The following KIAA1958 variants were observed in gnomAD, a reference collection of about 807,000 sequenced individuals.
KIAA1958 encodes KIAA1958.
KIAA1958 carries 14 observed loss-of-function variants against 47.2 expected under a neutral mutation model. The ratio of observed to expected loss-of-function variants is 0.30; its 90% CI spans 0.20 to 0.46. The LOEUF (loss-of-function observed/expected upper bound fraction) is 0.46, where lower values mean the gene tolerates loss of function less well. Among genes scored for constraint, KIAA1958 ranks in the 20% least tolerant of loss-of-function variants. KIAA1958 has a pLI of 1.00. For missense variants in KIAA1958, 803 were observed against 909.2 expected (o/e 0.88, Z 1.50); for synonymous variants, 354 against 353.3 (o/e 1.00, Z -0.02).
At chr9:112,593,622 A>T (rs1388216213) in intron 2 of KIAA1958, among the ~76,000 whole-genome samples, 1 of 152,068 alleles carries the variant, frequency 6.6e-6, no homozygotes, top group East Asian at 1.9e-4. Context: ...TCTATCACCC[A>T]GGCTGGTCTT....
At chr9:112,654,113 GTCT>G (rs1470912248) in intron 3 of KIAA1958, among the ~76,000 whole-genome samples, 6 of 152,156 alleles carry the variant, frequency 3.9e-5, no homozygotes, top group Admixed American at 3.9e-4. Context: ...AATCGTAGCT[GTCT>G]TCTCATACTG....
rs1305994150 is a variant in KIAA1958, at chr9:112,618,454, G to A, written c.1172-27196G>A. 3 of 1,550,986 alleles carry A rather than the reference G, an allele frequency of 1.9e-6. No individual in the cohort carries two copies. Among genetic ancestry groups the A allele is most frequent in the African/African-American group, 1.4e-5 (1 of 73,038 alleles). On this transcript the variant is annotated intron_variant, in intron 2 of 3. Transcript: ENST00000337530. The surrounding 1 kb of genome is among the most constrained non-coding windows in gnomAD (Gnocchi z 7.1). ...CGGGTCTCGAGTACTTGGAGTGGAT[G>A]GGTCAGGACACTGGAGACTTGAATG...
chr9:112,657,208 C>A (rs1267990454), intron 3 of KIAA1958, among the ~76,000 whole-genome samples: 4 of 152,094 alleles, frequency 2.6e-5, no homozygotes, highest in Admixed American at 2.6e-4. Flanking sequence ...CTGCCTCAGC[C>A]TCCCAAGTAG....
chr9:112,646,110 A>G (rs563787692), intron 3 of KIAA1958, among the ~76,000 whole-genome samples: 1 of 151,604 alleles, frequency 6.6e-6, no homozygotes, highest in African/African-American at 2.4e-5. Context: ...TTGAGGAAAG[A>G]TAAGATTTTA....
chr9:112,620,579 T>G (rs190982190), intron 2 of KIAA1958, among the ~76,000 whole-genome samples: 26 of 152,304 alleles, frequency 1.7e-4, no homozygotes, highest in African/African-American at 6.3e-4. Flanking sequence ...ATGGACTTTG[T>G]GTCGTGGAGT....
chr9:112,637,658 G>A (rs1315660735), intron 2 of KIAA1958, among the ~76,000 whole-genome samples: 3 of 152,050 alleles, frequency 2.0e-5, no homozygotes, highest in Admixed American at 1.3e-4. Flanking sequence ...TTACAGGCAT[G>A]AGCCACTGCA....
rs190814031 is a variant in KIAA1958, at chr9:112,652,772, C to A, written c.1345-6491C>A. Among the ~76,000 whole-genome samples, 34 of 152,220 alleles carry A rather than the reference C, an allele frequency of 2.2e-4. No homozygotes were observed. The East Asian group carries it at 6.0e-3, about 27-fold the overall frequency. ...GAGTAGCTGGGACTACAGATGTACA[C>A]CACCATGCCTGGCTAATTTTTGTAA... On this transcript the variant is annotated intron_variant, in intron 3 of 3. Coordinates refer to ENST00000337530, the MANE Select transcript of KIAA1958 (RefSeq NM_133465.4).
In KIAA1958 at chr9:112,659,337, C is replaced by G. The variant is rs1174218965; in HGVS notation, c.1419C>G (p.Phe473Leu). 6.2e-7 allele frequency: 1 copy of G among 1,613,958 alleles called. No individual in the cohort carries two copies. The highest frequency in any genetic ancestry group is 8.5e-7 in the Non-Finnish European group (1 of 1,180,032). Residue 473 changes from phenylalanine to leucine, a missense_variant, in exon 4 of 4, where the codon TTC becomes TTG. Phe to Leu is a conservative substitution (Grantham distance 22, BLOSUM62 0). Around this residue, in one of 2 missense-constraint regions of KIAA1958, gnomAD observed 761 missense variants for 829.3 expected, o/e 0.92. Coordinates refer to ENST00000337530, the MANE Select transcript of KIAA1958 (RefSeq NM_133465.4). ...TCAAGAAGAGCGACGGCTCGGACTT[C>G]CTGGCCACCTCGCTCCATGCTATTC... ...VTVKKSDGSD[F>L]LATSLHAIRR...
intron 2 of KIAA1958, among the ~76,000 whole-genome samples, chr9:112,636,849 A>T (rs770781164): frequency 3.9e-5 from 6 of 152,146 alleles, no homozygotes; most frequent in Non-Finnish European, 5.9e-5. Context: ...TTTTAATTGG[A>T]ATATCTATAA....
intron 1 of KIAA1958, among the ~76,000 whole-genome samples, chr9:112,531,563 G>T (rs140983400): frequency 4.5e-4 from 69 of 152,260 alleles, no homozygotes; most frequent in African/African-American, 1.6e-3. Context: ...TGTGTTACTT[G>T]TTTAATAAGG....
intron 1 of KIAA1958, among the ~76,000 whole-genome samples, chr9:112,524,716 C>T (rs943623078): frequency 6.6e-6 from 1 of 152,132 alleles, no homozygotes; most frequent in Non-Finnish European, 1.5e-5. Context: ...TGGAATGTGG[C>T]TTCGTAAGGA....
rs575905172 is a variant in KIAA1958, at chr9:112,648,584, G to A, written c.1344+2762G>A. On this transcript the variant is annotated intron_variant, in intron 3 of 3. Transcript: ENST00000337530. ...ACCAGCCAAACTGGAAAAACCTCAG[G>A]ATTCATGGGGTACTCAGAAAGGACT... Among the ~76,000 whole-genome samples the A allele has an allele frequency of 1.8e-4, 28 of 152,262 alleles. 2 individuals carry two copies. In the South Asian group the frequency reaches 4.6e-3, roughly 25 times the overall value.
chr9:112,574,287 A>G lies in KIAA1958; in HGVS notation c.207A>G (p.Gln69=), dbSNP rs771398652. 3.1e-6 allele frequency: 5 copies of G among 1,614,176 alleles called. No individual in the cohort carries two copies. In the South Asian group the frequency reaches 4.4e-5, roughly 14 times the overall value. The change falls in exon 2 of 4, where the codon CAA becomes CAG. Residue 69 remains glutamine (Q), a synonymous_variant. Coordinates refer to ENST00000337530, the MANE Select transcript of KIAA1958 (RefSeq NM_133465.4). ...PLTATCRAGS[Q]ERVCFQDNRS... ...CAGCTACTTGCAGAGCTGGGTCCCA[A>G]GAGAGGGTCTGTTTCCAGGATAACA...
intron 1 of KIAA1958, among the ~76,000 whole-genome samples, chr9:112,557,235 C>T (rs955557595): frequency 6.6e-6 from 1 of 152,154 alleles, no homozygotes; most frequent in African/African-American, 2.4e-5. Context: ...GTTGGAATTA[C>T]AGGAACCACC....
intron 3 of KIAA1958, among the ~76,000 whole-genome samples, chr9:112,658,891 G>A (rs1837203958): frequency 6.7e-6 from 1 of 150,200 alleles, no homozygotes; most frequent in Admixed American, 6.6e-5. Flanking sequence ...GTGGTGGCGG[G>A]AGCCTATAGT....
chr9:112,517,953 T>C (rs1332714139), intron 1 of KIAA1958, among the ~76,000 whole-genome samples: 2 of 152,234 alleles, frequency 1.3e-5, no homozygotes, highest in African/African-American at 4.8e-5. Flanking sequence ...TCTTATACAC[T>C]GCTGGTGGAA....
intron 2 of KIAA1958, among the ~76,000 whole-genome samples, chr9:112,631,018 T>C (rs1175032100): frequency 1.3e-5 from 2 of 152,232 alleles, no homozygotes; most frequent in African/African-American, 4.8e-5. Context: ...AGAATTCAAG[T>C]TGAGTAGTAA....
intron 1 of KIAA1958, among the ~76,000 whole-genome samples, chr9:112,548,534 A>G (rs972908474): frequency 1.2e-4 from 18 of 152,184 alleles, no homozygotes; most frequent in Non-Finnish European, 1.3e-4. Flanking sequence ...TATTTTCCAT[A>G]GTTTGACCCT....
chr9:112,516,254 G>A (rs1474192949), intron 1 of KIAA1958, among the ~76,000 whole-genome samples: 1 of 147,628 alleles, frequency 6.8e-6, no homozygotes, highest in Admixed American at 6.9e-5. Flanking sequence ...GACAAGCCTG[G>A]GCAACACAGT....
Sources: gnomAD v4.1 joint callset for allele counts (sites outside exome capture counted in the v4.1 genomes callset) on GRCh38, gnomAD v4.1.1 for gene constraint, gnomAD v4.1.1 regional missense constraint, Gnocchi (gnomAD v3.1) non-coding constraint, MANE v1.5 for transcripts, NCBI Gene and HGNC (gene_info 2026-07-23, HGNC 2026-07-21) for gene names.